Variants in PRPSAP1 observed in about 807,000 individuals in gnomAD.
The protein encoded by PRPSAP1 is phosphoribosyl pyrophosphate synthetase associated protein 1.
A neutral mutation model predicts 39.4 loss-of-function variants in PRPSAP1; 31 were observed. The observed-to-expected ratio is 0.79, with a 90% CI of 0.59 to 1.06. PRPSAP1 has a LOEUF of 1.06. Among genes scored for constraint, PRPSAP1 ranks in the 50% least tolerant of loss-of-function variants. The pLI, the probability that PRPSAP1 is intolerant of heterozygous loss-of-function variation, is 0.00. For synonymous variants in PRPSAP1, 212 were observed against 192.6 expected, an observed-to-expected ratio of 1.10 and a Z score of -0.83; for missense variants, 430 against 511.6, an observed-to-expected ratio of 0.84 and a Z score of 1.54.
At chr17:76,327,107 G>A (rs2071263288) in intron 7 of PRPSAP1, among the ~76,000 whole-genome samples, 1 of 152,112 alleles carries the variant, frequency 6.6e-6, no homozygotes, top group Non-Finnish European at 1.5e-5. Flanking sequence ...CAGCACACTG[G>A]GAGGTCGAGG....
At chr17:76,340,344 T>C (rs990563096) in intron 3 of PRPSAP1, among the ~76,000 whole-genome samples, 9 of 151,664 alleles carry the variant, frequency 5.9e-5, no homozygotes, top group East Asian at 1.9e-4. Context: ...TGTTTCCCAA[T>C]TGGCTATTAA....
chr17:76,338,905 T>C (rs1178088803), intron 3 of PRPSAP1, among the ~76,000 whole-genome samples: 2 of 151,364 alleles, frequency 1.3e-5, no homozygotes, highest in African/African-American at 4.9e-5. Flanking sequence ...TGGTGGTACA[T>C]GCCAGTAATC....
chr17:76,329,452 G>C (rs1363102996), intron 6 of PRPSAP1, among the ~76,000 whole-genome samples: 1 of 152,126 alleles, frequency 6.6e-6, no homozygotes, highest in Admixed American at 6.5e-5. Flanking sequence ...ACCATTGCCT[G>C]GGCCGGGCAC....
chr17:76,331,555 G>C (rs1182222290), intron 4 of PRPSAP1, among the ~76,000 whole-genome samples: 1 of 152,132 alleles, frequency 6.6e-6, no homozygotes, highest in Non-Finnish European at 1.5e-5. Flanking sequence ...ACAGATGACT[G>C]TGTTGGTTAT....
intron 6 of PRPSAP1, among the ~76,000 whole-genome samples, chr17:76,329,343 C>G (rs2071293431): frequency 6.6e-6 from 1 of 152,104 alleles, no homozygotes; most frequent in East Asian, 1.9e-4. Context: ...GAATTACAGG[C>G]GTGAGCCACC....
chr17:76,312,648 A>C, intron 9 of PRPSAP1: 2 of 437,526 alleles, frequency 4.6e-6, no homozygotes. Flanking sequence ...TCGTAATTGC[A>C]ATGGTTTTGC....
At position 76,312,741 on chromosome 17, in the gene PRPSAP1, C is replaced by A. The variant is rs535729532; in HGVS notation, c.999+129G>T. 12 of 1,243,420 alleles carry A rather than the reference C, an allele frequency of 9.7e-6. No homozygotes were observed. In the East Asian group the frequency reaches 2.4e-4, roughly 25 times the overall value. 77.0% of individuals were successfully genotyped at this position (1,243,420 alleles called of 1,614,324 possible). A position where few individuals can be genotyped will look rare whatever the true frequency, so the allele number is the denominator to read the frequency against. ...ATTCCTAAACATGTATCTGTCCCAACGAACTGCTAGCCAGCAAAAGCTAGA... is the reference window on the plus strand; with the variant it reads ...ATTCCTAAACATGTATCTGTCCCAAAGAACTGCTAGCCAGCAAAAGCTAGA... On this transcript the variant is annotated intron_variant, in intron 9 of 9. Transcript: ENST00000446526.
chr17:76,333,769 T>C (rs926833487), intron 3 of PRPSAP1, among the ~76,000 whole-genome samples: 6 of 152,214 alleles, frequency 3.9e-5, no homozygotes, highest in African/African-American at 1.4e-4. Context: ...TGGAAGATAT[T>C]AGAAGGAAAG....
intron 3 of PRPSAP1, among the ~76,000 whole-genome samples, chr17:76,343,997 C>G (rs929251418): frequency 1.3e-5 from 2 of 152,032 alleles, no homozygotes; most frequent in Non-Finnish European, 2.9e-5. Context: ...GTCGCCCAGG[C>G]TAGAGTGCAG....
rs1187847070 is a variant in PRPSAP1, at chr17:76,320,782, C to CT, written c.782-6892dup. On this transcript the variant is annotated intron_variant, in intron 7 of 9. Transcript: ENST00000446526. ...AAGCAAGTCTATGGGAGCCATTTTT[C>CT]TCTCTTTTTTTTTTTTAAAGACAGG... 1.1e-4 allele frequency among the ~76,000 whole-genome samples: 13 copies of CT among 118,026 alleles called. No homozygotes were observed. In the Admixed American group the frequency reaches 1.1e-3, roughly 10 times the overall value. 77.4% of individuals were successfully genotyped at this position (118,026 alleles called of 152,430 possible). A position where few individuals can be genotyped will look rare whatever the true frequency, so the allele number is the denominator to read the frequency against.
At chr17:76,326,321 G>A (rs755277800) in intron 7 of PRPSAP1, among the ~76,000 whole-genome samples, 1 of 152,110 alleles carries the variant, frequency 6.6e-6, no homozygotes, top group African/African-American at 2.4e-5. Flanking sequence ...ATCATCAGTA[G>A]ATGTTCATTT....
chr17:76,335,818 C>T (rs2143513338), intron 3 of PRPSAP1, among the ~76,000 whole-genome samples: 1 of 152,128 alleles, frequency 6.6e-6, no homozygotes, highest in Admixed American at 6.6e-5. Flanking sequence ...AAGACCTGGT[C>T]TCTAAAAATA....
rs752176785 is a variant in PRPSAP1 at position 76,312,905 on chromosome 17, C to A, written c.964G>T (p.Ala322Ser). 1 of 1,614,040 alleles carries A rather than the reference C, an allele frequency of 6.2e-7. No homozygotes were observed. Among genetic ancestry groups the A allele is most frequent in the East Asian group, 2.2e-5 (1 of 44,874 alleles). Residue 322 changes from alanine (A) to serine (S), a missense_variant, in exon 9 of 10, where the codon GCC becomes TCC. This residue lies in a region of PRPSAP1 where 278 missense variants were observed against 376.3 expected (regional missense o/e 0.74). Coordinates refer to ENST00000446526, the MANE Select transcript of PRPSAP1 (RefSeq NM_002766.3). Reference protein sequence around the residue: ...MATHGILSAEAPRLIEESSVD... With the variant: ...MATHGILSAESPRLIEESSVD... ...GAGGACTCCTCAATCAGGCGAGGGG[C>A]CTCTGCAGACAGGATGCCGTGGGTG...
chr17:76,311,701 C>T lies in PRPSAP1; in HGVS notation c.1000-1G>A, dbSNP rs201995246. 4.3e-6 allele frequency: 7 copies of T among 1,613,150 alleles called. No homozygotes were observed. In the East Asian group the frequency reaches 8.9e-5, roughly 21 times the overall value. Reference sequence around the variant, plus strand: ...GAGGGACAGTATTCGTCACCACCACCTAGTCACACAGTGATGGAAAACAAA... The same window carrying T: ...GAGGGACAGTATTCGTCACCACCACTTAGTCACACAGTGATGGAAAACAAA... On this transcript the variant is annotated splice_acceptor_variant, in intron 9 of 9. Coordinates refer to ENST00000446526, the MANE Select transcript of PRPSAP1 (RefSeq NM_002766.3). LOFTEE classifies it high-confidence loss of function.
intron 4 of PRPSAP1, among the ~76,000 whole-genome samples, chr17:76,331,755 A>G (rs1268704587): frequency 6.6e-6 from 1 of 152,180 alleles, no homozygotes; most frequent in Non-Finnish European, 1.5e-5. Flanking sequence ...AGATGAATAG[A>G]AACCCAATTG....
chr17:76,348,095 GAAGA>G (rs2071529587), intron 2 of PRPSAP1, among the ~76,000 whole-genome samples: 1 of 152,082 alleles, frequency 6.6e-6, no homozygotes, highest in African/African-American at 2.4e-5. Flanking sequence ...GCTGCGGTGG[GAAGA>G]CTGCTTGAGC....
chr17:76,321,745 TG>T (rs1185128206), intron 7 of PRPSAP1, among the ~76,000 whole-genome samples: 1 of 152,152 alleles, frequency 6.6e-6, no homozygotes, highest in Non-Finnish European at 1.5e-5. Context: ...TTAAGCTTAG[TG>T]TGTCAAAAGC....
intron 7 of PRPSAP1, 85 bp from the exon 8 acceptor site, chr17:76,313,976 G>T: frequency 7.0e-7 from 1 of 1,435,892 alleles, no homozygotes; most frequent in East Asian, 2.4e-5. Flanking sequence ...CCTGGAAATG[G>T]TGGCAAAACC....
chr17:76,349,385 T>C (rs1220079871), intron 1 of PRPSAP1, among the ~76,000 whole-genome samples: 1 of 152,030 alleles, frequency 6.6e-6, no homozygotes, highest in Non-Finnish European at 1.5e-5. Context: ...AAGGAATTAA[T>C]AGTAGTGTGA....
Sources: gnomAD v4.1 joint callset for allele counts (sites outside exome capture counted in the v4.1 genomes callset) on GRCh38, gnomAD v4.1.1 for gene constraint, gnomAD v4.1.1 regional missense constraint, MANE v1.5 for transcripts, NCBI Gene and HGNC (gene_info 2026-07-23, HGNC 2026-07-21) for gene names.